SNX29: variants seen among roughly 807,000 people sequenced by gnomAD.
SNX29 encodes sorting nexin-29.
SNX29 carries 78 observed loss-of-function variants against 102.1 expected under a neutral mutation model. The observed-to-expected ratio is 0.76, with a 90% CI of 0.64 to 0.92. The LOEUF (loss-of-function observed/expected upper bound fraction) is 0.92, where lower values mean the gene tolerates loss of function less well. Among genes scored for constraint, SNX29 ranks in the 40% least tolerant of loss-of-function variants. The pLI is 0.00. For synonymous variants in SNX29, 580 were observed against 414.5 expected (o/e 1.40, Z -4.85); for missense variants, 1,280 against 1,061.7 (o/e 1.21, Z -2.86).
intron 19 of SNX29, among the ~76,000 whole-genome samples, chr16:12,501,499 A>C (rs982901892): frequency 6.6e-6 from 1 of 152,146 alleles, no homozygotes; most frequent in Non-Finnish European, 1.5e-5. Flanking sequence ...AGGTGAGTGG[A>C]TCACCTGAGG....
Position 12,043,209 on chromosome 16 carries a change from G to T in SNX29, c.428+132G>T. The stretch of plus-strand genomic sequence containing the variant: ...AAGTGGGCCTCCCTCTGACAGCTCC[G>T]GAGTGTTCTGCTGAGCTGTGGAGAA... On this transcript the variant is annotated intron_variant, in intron 5 of 20. Transcript: ENST00000566228. 6 of 1,180,226 alleles carry T rather than the reference G, an allele frequency of 5.1e-6. No individual in the cohort carries two copies. The South Asian group carries it at 5.7e-5, about 11-fold the overall frequency. 73.1% of individuals were successfully genotyped at this position (1,180,226 alleles called of 1,614,324 possible). A position where few individuals can be genotyped will look rare whatever the true frequency, so the allele number is the denominator to read the frequency against.
At chr16:12,355,065 G>A (rs1048076900) in intron 15 of SNX29, among the ~76,000 whole-genome samples, 10 of 152,174 alleles carry the variant, frequency 6.6e-5, no homozygotes, top group Admixed American at 1.3e-4. Flanking sequence ...TGGCTCCCTT[G>A]TATTTCAGAT....
intron 15 of SNX29, among the ~76,000 whole-genome samples, chr16:12,343,543 C>T (rs1487295479): frequency 6.6e-6 from 1 of 152,166 alleles, no homozygotes; most frequent in Non-Finnish European, 1.5e-5. Flanking sequence ...TGCCTCCTGC[C>T]AGCTGACCTC....
chr16:12,333,516 A>G (rs1422805069), intron 15 of SNX29, among the ~76,000 whole-genome samples: 2 of 152,144 alleles, frequency 1.3e-5, no homozygotes, highest in Non-Finnish European at 2.9e-5. Flanking sequence ...CATCTGATCA[A>G]TGATCAGTAT....
chr16:12,195,803 A>G (rs994218589), intron 13 of SNX29, among the ~76,000 whole-genome samples: 2 of 152,142 alleles, frequency 1.3e-5, no homozygotes, highest in Non-Finnish European at 2.9e-5. Flanking sequence ...TCTCATCTGT[A>G]AAATGGGCAC....
At chr16:12,206,021 T>C (rs997829963) in intron 14 of SNX29, among the ~76,000 whole-genome samples, 3 of 152,194 alleles carry the variant, frequency 2.0e-5, no homozygotes, top group Admixed American at 6.5e-5. Context: ...AGACCTTTCT[T>C]CTAGTGCCAC....
chr16:12,126,760 A>G, intron 12 of SNX29, 64 bp downstream of exon 12: 2 of 1,567,264 alleles, frequency 1.3e-6, no homozygotes, highest in Non-Finnish European at 1.7e-6. Flanking sequence ...TGGGGAAGAC[A>G]GAATATAACA....
intron 20 of SNX29, among the ~76,000 whole-genome samples, chr16:12,558,698 C>T (rs1386634687): frequency 1.3e-5 from 2 of 152,192 alleles, no homozygotes; most frequent in Non-Finnish European, 2.9e-5. Flanking sequence ...GAATCCACCC[C>T]CATCCCGTTT....
intron 19 of SNX29, among the ~76,000 whole-genome samples, chr16:12,484,580 C>G (rs994708436): frequency 2.6e-5 from 4 of 152,130 alleles, no homozygotes; most frequent in Admixed American, 2.0e-4. Flanking sequence ...ATCTCATGCC[C>G]TGCCCCCACC....
chr16:12,404,373 C>T (rs543803933), intron 18 of SNX29, among the ~76,000 whole-genome samples: 32 of 152,242 alleles, frequency 2.1e-4, no homozygotes, highest in African/African-American at 7.5e-4. Flanking sequence ...CCTCTTTTAG[C>T]CCTGCCCACA....
intron 9 of SNX29, among the ~76,000 whole-genome samples, chr16:12,066,886 G>A (rs1156871137): frequency 6.6e-6 from 1 of 151,802 alleles, no homozygotes; most frequent in Non-Finnish European, 1.5e-5. Flanking sequence ...TTTTACATGC[G>A]TTAAGATGTA....
rs1007218161 is a variant in SNX29, at chr16:12,569,469, G to A, written c.*840G>A. 4.3e-6 allele frequency: 1 copy of A among 231,326 alleles called. No individual in the cohort carries two copies. The highest frequency in any genetic ancestry group is 6.1e-5 in the East Asian group (1 of 16,336). The allele number at this position is 231,326 out of a possible 1,614,324, so 14.3% of individuals were successfully genotyped here. On this transcript the variant is annotated 3_prime_UTR_variant, in exon 21 of 21. Coordinates refer to ENST00000566228, the MANE Select transcript of SNX29 (RefSeq NM_032167.5). ...GGCCCTACAGTCATGAGAGACTTGG[G>A]TCAGGGAACCACTGCAGAAGGTTCC...
chr16:12,344,253 C>G (rs567411039), intron 15 of SNX29, among the ~76,000 whole-genome samples: 1 of 152,286 alleles, frequency 6.6e-6, no homozygotes, highest in South Asian at 2.1e-4. Context: ...CTAATACAAC[C>G]TCACAAAGGG....
chr16:12,338,766 C>T (rs539294873), intron 15 of SNX29, among the ~76,000 whole-genome samples: 2 of 152,304 alleles, frequency 1.3e-5, no homozygotes, highest in African/African-American at 4.8e-5. Flanking sequence ...GGAATCTCTC[C>T]CTGCAGACCC....
chr16:12,190,551 A>C (rs898456780), intron 13 of SNX29, among the ~76,000 whole-genome samples: 1 of 152,168 alleles, frequency 6.6e-6, no homozygotes, highest in Non-Finnish European at 1.5e-5. Context: ...GACACTTGCA[A>C]AATGTGTAGC....
At chr16:12,058,104 G>A (rs1232180102) in intron 8 of SNX29, among the ~76,000 whole-genome samples, 1 of 152,046 alleles carries the variant, frequency 6.6e-6, no homozygotes, top group Non-Finnish European at 1.5e-5. Context: ...ACAGGTGTGA[G>A]CCATCATGCC....
chr16:12,550,905 TTGC>T (rs1165315208), intron 20 of SNX29, among the ~76,000 whole-genome samples: 1 of 152,168 alleles, frequency 6.6e-6, no homozygotes, highest in African/African-American at 2.4e-5. Context: ...AAGCTCAGAA[TTGC>T]TGGTTTTATT....
At chr16:12,299,627 A>G (rs189517029) in intron 15 of SNX29, among the ~76,000 whole-genome samples, 10 of 152,090 alleles carry the variant, frequency 6.6e-5, no homozygotes, top group South Asian at 2.1e-4. Flanking sequence ...TGGGTTGGCT[A>G]TTGTTTCTAG....
intron 11 of SNX29, chr16:12,081,257 T>C (rs1226318494): frequency 1.3e-5 from 2 of 152,232 alleles, no homozygotes; most frequent in East Asian, 3.9e-4. Flanking sequence ...TCAGTCTTCA[T>C]ACTGCTGGGA....
Sources: gnomAD v4.1 joint callset for allele counts (sites outside exome capture counted in the v4.1 genomes callset) on GRCh38, gnomAD v4.1.1 for gene constraint, MANE v1.5 for transcripts, NCBI Gene and HGNC (gene_info 2026-07-23, HGNC 2026-07-21) for gene names.